The following SLC9A9 variants were observed in gnomAD, a reference collection of about 807,000 sequenced individuals.
SLC9A9 encodes solute carrier family 9 member A9, also known as sodium/hydrogen exchanger 9.
In SLC9A9, 62 loss-of-function variants were observed where a neutral mutation model predicts 77.8. That is an observed-to-expected ratio of 0.80 (90% confidence interval 0.65 to 0.98). The LOEUF is 0.98. Ranked by LOEUF, SLC9A9 falls within the 50% of genes least tolerant of loss-of-function variation. SLC9A9 has a pLI of 0.00. For synonymous variants in SLC9A9, 320 were observed against 283.5 expected (o/e 1.13, Z -1.29); for missense variants, 775 against 774.9 (o/e 1.00, Z 0.00).
At chr3:143,625,580 G>A (rs1179626260) in intron 6 of SLC9A9, among the ~76,000 whole-genome samples, 1 of 152,150 alleles carries the variant, frequency 6.6e-6, no homozygotes, top group African/African-American at 2.4e-5. Flanking sequence ...AGCTGAAACT[G>A]GATCCCTTCC....
At chr3:143,312,481 G>T (rs773040603) in intron 14 of SLC9A9, among the ~76,000 whole-genome samples, 1 of 152,254 alleles carries the variant, frequency 6.6e-6, no homozygotes, top group Non-Finnish European at 1.5e-5. Context: ...AGAGCAGTGG[G>T]CATGGCCCTT....
chr3:143,834,717 C>G (rs2009526182), intron 1 of SLC9A9, among the ~76,000 whole-genome samples: 1 of 151,840 alleles, frequency 6.6e-6, no homozygotes, highest in Non-Finnish European at 1.5e-5. Context: ...TAAATTCATA[C>G]AAGACCTCCA....
chr3:143,526,219 G>A (rs973822430), intron 9 of SLC9A9, among the ~76,000 whole-genome samples: 1 of 152,190 alleles, frequency 6.6e-6, no homozygotes, highest in African/African-American at 2.4e-5. Flanking sequence ...AGTGGGCAAA[G>A]CAGATGCCTA....
chr3:143,520,424 C>T (rs1369293521), intron 9 of SLC9A9, among the ~76,000 whole-genome samples: 1 of 152,196 alleles, frequency 6.6e-6, no homozygotes, highest in Non-Finnish European at 1.5e-5. Flanking sequence ...AGATACAAAT[C>T]TACCAGCACT....
At chr3:143,627,521 G>T in intron 6 of SLC9A9, 1 of 290,750 alleles carries the variant, frequency 3.4e-6, no homozygotes, top group Non-Finnish European at 6.7e-6. Context: ...TATGCCACAT[G>T]CAGAGGCGGT....
At chr3:143,718,306 G>C (rs7643783) in intron 4 of SLC9A9, among the ~76,000 whole-genome samples, 86,940 of 152,020 alleles carry the variant, frequency 0.57, 25,417 homozygotes, top group Non-Finnish European at 0.65. Flanking sequence ...TTCTATTCCT[G>C]TTACATATTT....
intron 6 of SLC9A9, among the ~76,000 whole-genome samples, chr3:143,623,553 T>C (rs959222671): frequency 1.3e-5 from 2 of 152,102 alleles, no homozygotes; most frequent in Non-Finnish European, 2.9e-5. Context: ...ATAAAGATGT[T>C]CTTTGAAACC....
At chr3:143,646,996 TTAAC>T (rs1037201568) in intron 6 of SLC9A9, among the ~76,000 whole-genome samples, 5 of 152,236 alleles carry the variant, frequency 3.3e-5, no homozygotes, top group African/African-American at 1.2e-4. Flanking sequence ...CTTTTGTTTA[TTAAC>T]TATTTATATC....
At chr3:143,691,705 G>A (rs750382579) in intron 5 of SLC9A9, among the ~76,000 whole-genome samples, 2 of 152,010 alleles carry the variant, frequency 1.3e-5, no homozygotes, top group Non-Finnish European at 2.9e-5. Flanking sequence ...GCCCAGTCTT[G>A]GAGTTATTCC....
intron 5 of SLC9A9, among the ~76,000 whole-genome samples, chr3:143,679,477 A>G (rs1055482446): frequency 2.0e-5 from 3 of 152,174 alleles, no homozygotes; most frequent in African/African-American, 4.8e-5. Flanking sequence ...TAGACCAGAC[A>G]ATTACCTGCA....
intron 11 of SLC9A9, 53 bp downstream of exon 11, chr3:143,493,600 C>T: frequency 2.0e-6 from 3 of 1,509,800 alleles, no homozygotes; most frequent in Non-Finnish European, 2.8e-6. Context: ...TTTTCATGTT[C>T]TGTAAAATTG....
chr3:143,690,673 T>C (rs1044553883), intron 5 of SLC9A9, among the ~76,000 whole-genome samples: 3 of 152,116 alleles, frequency 2.0e-5, no homozygotes, highest in Non-Finnish European at 4.4e-5. Context: ...AAACGTATCA[T>C]CTATGTAAAA....
chr3:143,603,439 T>TGA (rs372705047), intron 6 of SLC9A9, among the ~76,000 whole-genome samples: 8 of 94,846 alleles, frequency 8.4e-5, no homozygotes, highest in African/African-American at 4.1e-4. Context: ...GAGATTAGAT[T>TGA]GAATCCATTT....
chr3:143,769,768 T>A (rs943413098), intron 4 of SLC9A9, among the ~76,000 whole-genome samples: 1 of 152,314 alleles, frequency 6.6e-6, no homozygotes, highest in Admixed American at 6.5e-5. Flanking sequence ...GAAGAGCATA[T>A]GCTCTGGCTG....
In SLC9A9 at chr3:143,630,096, TG is replaced by T. The variant is rs1057461857; in HGVS notation, c.755+22158del. On this transcript the variant is annotated intron_variant, in intron 6 of 15. Transcript: ENST00000316549. ...ACAACCATTTATCCTCAACTTGGCC[TG>T]GGGGAAAAAGAGAAAAAAAAACTGA... 6.3e-4 allele frequency among the ~76,000 whole-genome samples: 96 copies of T among 152,180 alleles called. 1 individual carries two copies. The highest frequency in any genetic ancestry group is 2.2e-3 in the African/African-American group (90 of 41,518).
chr3:143,305,349 C>T (rs1353009667), intron 14 of SLC9A9, among the ~76,000 whole-genome samples: 1 of 152,162 alleles, frequency 6.6e-6, no homozygotes, highest in Non-Finnish European at 1.5e-5. Flanking sequence ...TTGATGTTCG[C>T]TACCACATTC....
chr3:143,723,568 C>G (rs552688562), intron 4 of SLC9A9, among the ~76,000 whole-genome samples: 1 of 152,186 alleles, frequency 6.6e-6, no homozygotes, highest in Non-Finnish European at 1.5e-5. Flanking sequence ...TTTGCCCTAT[C>G]GAAAATGTGT....
At chr3:143,644,050 A>G (rs1200255092) in intron 6 of SLC9A9, among the ~76,000 whole-genome samples, 1 of 152,128 alleles carries the variant, frequency 6.6e-6, no homozygotes, top group Non-Finnish European at 1.5e-5. Context: ...ATCTATCTGC[A>G]CCATGAAAGA....
chr3:143,845,808 G>A (rs1051873015), intron 1 of SLC9A9, among the ~76,000 whole-genome samples: 2 of 152,160 alleles, frequency 1.3e-5, no homozygotes, highest in African/African-American at 4.8e-5. Flanking sequence ...TTTCTAGTAA[G>A]AGAATACATA....
Sources: gnomAD v4.1 joint callset for allele counts (sites outside exome capture counted in the v4.1 genomes callset) on GRCh38, gnomAD v4.1.1 for gene constraint, MANE v1.5 for transcripts, NCBI Gene and HGNC (gene_info 2026-07-23, HGNC 2026-07-21) for gene names.